The following DCDC2C variants were observed in gnomAD, a reference collection of about 807,000 sequenced individuals.
The protein encoded by DCDC2C is doublecortin domain containing 2C, also known as doublecortin domain-containing protein 2C.
In DCDC2C, 44 loss-of-function variants were observed where a neutral mutation model predicts 45.0. That is an observed-to-expected ratio of 0.98 (90% CI 0.77 to 1.26). DCDC2C has a LOEUF of 1.26. DCDC2C is among the 50% of genes most tolerant of loss of function. DCDC2C has a pLI of 0.00. For synonymous variants in DCDC2C, 187 were observed against 178.8 expected (o/e 1.05, Z -0.37); for missense variants, 447 against 468.9 (o/e 0.95, Z 0.43).
intron 4 of DCDC2C, among the ~76,000 whole-genome samples, chr2:3,743,016 A>G (rs1669260633): frequency 6.6e-6 from 1 of 152,198 alleles, no homozygotes; most frequent in African/African-American, 2.4e-5. Flanking sequence ...GTTGGCCTTC[A>G]GCTTTAACCA....
chr2:3,822,082 G>A (rs1241079766), intron 10 of DCDC2C, among the ~76,000 whole-genome samples: 1 of 152,118 alleles, frequency 6.6e-6, no homozygotes, highest in Admixed American at 6.6e-5. Context: ...CAAATAATGT[G>A]TCCCTTTATG....
At chr2:3,757,365 G>A (rs1669749667) in intron 6 of DCDC2C, among the ~76,000 whole-genome samples, 1 of 152,008 alleles carries the variant, frequency 6.6e-6, no homozygotes, top group African/African-American at 2.4e-5. Context: ...GGGGCTGTTG[G>A]GACCCTTGGT....
At chr2:3,780,696 C>T (rs762390249) in intron 9 of DCDC2C, among the ~76,000 whole-genome samples, 3 of 152,170 alleles carry the variant, frequency 2.0e-5, no homozygotes, top group Non-Finnish European at 4.4e-5. Context: ...CCAGGCACTG[C>T]GCAGCCGTTC....
intron 10 of DCDC2C, among the ~76,000 whole-genome samples, chr2:3,831,783 TA>T (rs1671958014): frequency 6.6e-6 from 1 of 152,202 alleles, no homozygotes; most frequent in Non-Finnish European, 1.5e-5. Flanking sequence ...CTGTGATGTC[TA>T]AGGCAGAGCG....
At chr2:3,777,529 T>G (rs1264861094) in intron 8 of DCDC2C, among the ~76,000 whole-genome samples, 1 of 152,180 alleles carries the variant, frequency 6.6e-6, no homozygotes, top group East Asian at 1.9e-4. Flanking sequence ...TAAAATAACA[T>G]GTTTTTGATT....
rs1258837398 is a variant in DCDC2C, at chr2:3,778,073, C to A, written c.955-743C>A. Among the ~76,000 whole-genome samples, 8 of 97,084 alleles carry A rather than the reference C, an allele frequency of 8.2e-5. 1 individual carries two copies. In the Admixed American group the frequency reaches 8.5e-4, roughly 10 times the overall value. The allele number at this position is 97,084 out of a possible 152,430, so 63.7% of individuals were successfully genotyped here. ...CTGTGTGGACGGGACACCCCCTGGC[C>A]AGCTGGACGCATGTGCAGCACCCAC... On this transcript the variant is annotated intron_variant, in intron 8 of 10. Transcript: ENST00000399143.
At chr2:3,767,482 G>T (rs1231114250) in intron 6 of DCDC2C, among the ~76,000 whole-genome samples, 1 of 152,220 alleles carries the variant, frequency 6.6e-6, no homozygotes, top group Admixed American at 6.5e-5. Flanking sequence ...TTTTAGGAAG[G>T]CCACCTACAG....
chr2:3,761,376 C>CGT lies in DCDC2C; in HGVS notation c.727-6368_727-6367dup, dbSNP rs991052157. 2.5e-4 allele frequency among the ~76,000 whole-genome samples: 38 copies of CGT among 151,656 alleles called. No individual in the cohort carries two copies. The highest frequency in any genetic ancestry group is 7.3e-5 in the African/African-American group (3 of 41,306). ...ATAAAGCATATAAATTAAGGAGGTG[C>CGT]GTGTGTGTGTGCGTGTGTGTGTGCG... On this transcript the variant is annotated intron_variant, in intron 6 of 10. Transcript: ENST00000399143. The surrounding 1 kb of genome is among the most constrained non-coding windows in gnomAD (Gnocchi z 4.3).
intron 2 of DCDC2C, among the ~76,000 whole-genome samples, chr2:3,712,497 A>G (rs992309145): frequency 1.3e-5 from 2 of 151,928 alleles, no homozygotes; most frequent in African/African-American, 4.8e-5. Context: ...ACAAAAAAAA[A>G]AAAAAAAAAT....
intron 10 of DCDC2C, among the ~76,000 whole-genome samples, chr2:3,803,409 C>A (rs1044670888): frequency 2.0e-5 from 3 of 152,212 alleles, no homozygotes; most frequent in Admixed American, 2.0e-4. Flanking sequence ...GTCCTATCTT[C>A]GTGGGTTCTC....
chr2:3,812,077 G>A (rs1012069987), intron 10 of DCDC2C, among the ~76,000 whole-genome samples: 5 of 152,132 alleles, frequency 3.3e-5, no homozygotes, highest in Non-Finnish European at 5.9e-5. Context: ...TTTGGTATCA[G>A]AATGATGCTG....
At position 3,741,921 on chromosome 2, in the gene DCDC2C, GT is replaced by G; in HGVS notation, c.423del (p.Phe141LeufsTer37). The G allele has an allele frequency of 6.5e-7, 1 of 1,545,700 alleles. No individual in the cohort carries two copies. The highest frequency in any genetic ancestry group is 1.4e-5 in the African/African-American group (1 of 72,912). On this transcript the variant is annotated frameshift_variant and splice_region_variant, in exon 4 of 11. Coordinates refer to ENST00000399143, the MANE Select transcript of DCDC2C (RefSeq NM_001287444.2). LOFTEE classifies it high-confidence loss of function. ...TYHRISRHIN[V>X]FTNGRLFIPP... ...ATGCTTTTCTTTTTATTCTTACAGT[GT>G]TTTTACAAATGGAAGATTATTTATT...
chr2:3,810,274 A>G (rs1671361102), intron 10 of DCDC2C, among the ~76,000 whole-genome samples: 1 of 152,204 alleles, frequency 6.6e-6, no homozygotes, highest in Non-Finnish European at 1.5e-5. Flanking sequence ...TGACTTTTTA[A>G]TAATTGCCAT....
At chr2:3,739,202 T>C (rs1020614240) in intron 3 of DCDC2C, among the ~76,000 whole-genome samples, 2 of 152,206 alleles carry the variant, frequency 1.3e-5, no homozygotes, top group African/African-American at 4.8e-5. Context: ...AATAAAATTC[T>C]CCAGTTATCC....
intron 10 of DCDC2C, among the ~76,000 whole-genome samples, chr2:3,839,202 C>T (rs1024103993): frequency 3.9e-5 from 6 of 152,136 alleles, no homozygotes; most frequent in Non-Finnish European, 8.8e-5. Context: ...TATTTAAAAA[C>T]GTTCTAACCC....
chr2:3,811,579 C>G (rs1671396894), intron 10 of DCDC2C, among the ~76,000 whole-genome samples: 1 of 152,190 alleles, frequency 6.6e-6, no homozygotes, highest in African/African-American at 2.4e-5. Flanking sequence ...CTTTCTTTCT[C>G]TTGCCTGATT....
rs982974657 is a variant in DCDC2C at position 3,739,520 on chromosome 2, A to G, written c.417-2400A>G. ...ACACAAGTGGCTGAACGTCAAGAGG[A>G]ACGCACCAACAGGCACCGGCACACC... On this transcript the variant is annotated intron_variant, in intron 3 of 10. Transcript: ENST00000399143. Among the ~76,000 whole-genome samples the G allele has an allele frequency of 9.2e-5, 14 of 152,364 alleles. No individual in the cohort carries two copies. In the South Asian group the frequency reaches 1.5e-3, roughly 16 times the overall value.
chr2:3,724,252 C>T (rs1440913520), intron 2 of DCDC2C, among the ~76,000 whole-genome samples: 1 of 152,176 alleles, frequency 6.6e-6, no homozygotes. Flanking sequence ...CTGGGGTCTT[C>T]CCGTCTGCCA....
intron 3 of DCDC2C, among the ~76,000 whole-genome samples, chr2:3,733,827 A>G (rs1362639559): frequency 6.6e-6 from 1 of 152,224 alleles, no homozygotes; most frequent in East Asian, 1.9e-4. Context: ...GTGAGGGGAC[A>G]CGATTCAGAC....
Sources: allele counts gnomAD v4.1 joint callset (sites outside exome capture counted in the v4.1 genomes callset), GRCh38; gene constraint gnomAD v4.1.1; non-coding constraint Gnocchi (gnomAD v3.1); transcripts MANE v1.5; gene names NCBI Gene and HGNC (gene_info 2026-07-23, HGNC 2026-07-21).